Variants in ZFAT observed in about 807,000 individuals in gnomAD.
The protein encoded by ZFAT is zinc finger protein ZFAT.
In ZFAT, 64 loss-of-function variants were observed where a neutral mutation model predicts 117.7. The ratio of observed to expected loss-of-function variants is 0.54; its 90% CI spans 0.44 to 0.67. The LOEUF (loss-of-function observed/expected upper bound fraction) is 0.67. ZFAT is among the 30% of genes least tolerant of loss of function. The pLI is 0.00. For missense variants in ZFAT, 1,433 were observed against 1,584.5 expected (o/e 0.90, Z 1.62); for synonymous variants, 679 against 615.0 (o/e 1.10, Z -1.54).
chr8:134,810,231 A>C, the ZFAT span, among the ~76,000 whole-genome samples: 1 of 152,316 alleles, frequency 6.6e-6, no homozygotes, highest in East Asian at 1.9e-4. Flanking sequence ...TTTAATTTTC[A>C]AAGTCCACAC....
At chr8:134,565,623 A>G (rs772605877) in intron 10 of ZFAT, 16 of 677,394 alleles carry the variant, frequency 2.4e-5, no homozygotes, top group South Asian at 1.3e-4. Flanking sequence ...GGCACTCCCC[A>G]GGGAGGGAGA....
At position 134,658,147 on chromosome 8, in the gene ZFAT, C is replaced by T. The variant is rs188683956; in HGVS notation, c.20-410G>A. Among the ~76,000 whole-genome samples the T allele has an allele frequency of 2.0e-3, 311 of 152,264 alleles. 1 individual carries two copies. Among genetic ancestry groups the T allele is most frequent in the African/African-American group, 7.0e-3 (292 of 41,540 alleles). Reference sequence around the variant, plus strand: ...GGTCAGGAGATCGAGACCATCCTGGCTAACATGGTGAAATCTCGTCTCTAC... The same window carrying T: ...GGTCAGGAGATCGAGACCATCCTGGTTAACATGGTGAAATCTCGTCTCTAC... On this transcript the variant is annotated intron_variant, in intron 1 of 15. Transcript: ENST00000377838.
chr8:134,550,374 A>AT (rs1278559281), intron 11 of ZFAT, among the ~76,000 whole-genome samples: 1 of 150,310 alleles, frequency 6.7e-6, no homozygotes, highest in Non-Finnish European at 1.5e-5. Flanking sequence ...CCAGGCCTTC[A>AT]TATCATTTAC....
the ZFAT span, among the ~76,000 whole-genome samples, chr8:134,810,399 TA>T: frequency 6.6e-6 from 1 of 152,356 alleles, no homozygotes. Context: ...ATTATGCACC[TA>T]ATTTCAAAGC....
chr8:134,635,780 A>G (rs1171320696), intron 3 of ZFAT, among the ~76,000 whole-genome samples: 1 of 152,172 alleles, frequency 6.6e-6, no homozygotes, highest in Non-Finnish European at 1.5e-5. Flanking sequence ...GGGGAGGTCT[A>G]TCCTAATCCT....
At chr8:134,492,019 T>C (rs1056811078) in intron 15 of ZFAT, among the ~76,000 whole-genome samples, 2 of 141,046 alleles carry the variant, frequency 1.4e-5, no homozygotes, top group East Asian at 1.9e-4. Context: ...TTTGTTTTTG[T>C]TTTTGTTTTT....
At chr8:134,661,196 T>G (rs1377487751) in intron 1 of ZFAT, among the ~76,000 whole-genome samples, 2 of 152,052 alleles carry the variant, frequency 1.3e-5, no homozygotes, top group Non-Finnish European at 2.9e-5. Context: ...GAAGGGCGCG[T>G]GGGCAGGAGA....
chr8:134,699,951 G>A (rs1239614210), intron 1 of ZFAT, among the ~76,000 whole-genome samples: 2 of 152,180 alleles, frequency 1.3e-5, no homozygotes, highest in Non-Finnish European at 2.9e-5. Flanking sequence ...ACAGGCAGTG[G>A]GGCCAAGGAC....
chr8:134,800,897 C>T, the ZFAT span, among the ~76,000 whole-genome samples: 1 of 152,012 alleles, frequency 6.6e-6, no homozygotes, highest in Non-Finnish European at 1.5e-5. Flanking sequence ...CACTATATTG[C>T]CCAGGCTAGT....
chr8:134,544,248 C>T (rs1822515208), intron 11 of ZFAT, among the ~76,000 whole-genome samples: 1 of 152,146 alleles, frequency 6.6e-6, no homozygotes, highest in African/African-American at 2.4e-5. Flanking sequence ...GAGTAGAGTC[C>T]ACATCAGAAC....
At chr8:134,712,815 C>T (rs71528372) in intron 1 of ZFAT, 30 bp downstream of exon 1, 370,958 of 1,124,298 alleles carry the variant, frequency 0.33, 64,748 homozygotes, top group South Asian at 0.41. Flanking sequence ...ACCCCCACCC[C>T]GTCTCACCCC....
chr8:134,506,343 T>C (rs1336412501), intron 15 of ZFAT, among the ~76,000 whole-genome samples: 1 of 152,208 alleles, frequency 6.6e-6, no homozygotes, highest in Non-Finnish European at 1.5e-5. Flanking sequence ...CACGCAAGCA[T>C]GATTCTTTCT....
the ZFAT span, among the ~76,000 whole-genome samples, chr8:134,787,964 T>A: frequency 6.6e-6 from 1 of 152,150 alleles, no homozygotes; most frequent in Non-Finnish European, 1.5e-5. Context: ...GTTTGTTGAG[T>A]CTTTTCAAAT....
the ZFAT span, among the ~76,000 whole-genome samples, chr8:134,753,905 GA>G: frequency 6.6e-6 from 1 of 152,132 alleles, no homozygotes; most frequent in Non-Finnish European, 1.5e-5. Flanking sequence ...TTTTGAAAAT[GA>G]AAAAACAACC....
intron 3 of ZFAT, among the ~76,000 whole-genome samples, chr8:134,616,786 T>C (rs7010948): frequency 0.59 from 89,392 of 151,954 alleles, 27,195 homozygotes; most frequent in East Asian, 0.89. Context: ...TGCAGAGAGG[T>C]AGTGGGCATG....
At position 134,712,724 on chromosome 8, in the gene ZFAT, CG is replaced by C. The variant is rs1392141943; in HGVS notation, c.19+120del. 3 of 749,296 alleles carry C rather than the reference CG, an allele frequency of 4.0e-6. No individual in the cohort carries two copies. The African/African-American group carries it at 6.2e-5, about 16-fold the overall frequency. 46.4% of individuals were successfully genotyped at this position (749,296 alleles called of 1,614,324 possible). A position where few individuals can be genotyped will look rare whatever the true frequency, so the allele number is the denominator to read the frequency against. ...CCCCAGACCCGGATCCCTCCGCGGC[CG>C]GCGGCCGGCGGCCGGCGGCCGGCGC... is the stretch of plus-strand genomic sequence containing the variant. On this transcript the variant is annotated intron_variant, in intron 1 of 15. Transcript: ENST00000377838.
At chr8:134,682,393 T>C (rs1011210539) in intron 1 of ZFAT, among the ~76,000 whole-genome samples, 1 of 152,230 alleles carries the variant, frequency 6.6e-6, no homozygotes, top group Non-Finnish European at 1.5e-5. Flanking sequence ...CGGTGGCTCA[T>C]GCCTATAATC....
intron 1 of ZFAT, among the ~76,000 whole-genome samples, chr8:134,682,726 T>C (rs146951986): frequency 1.3e-5 from 2 of 152,254 alleles, no homozygotes; most frequent in Admixed American, 6.5e-5. Flanking sequence ...AACATTTCCA[T>C]ATAACTGGGC....
intron 15 of ZFAT, among the ~76,000 whole-genome samples, chr8:134,505,977 C>T (rs1442045996): frequency 1.3e-5 from 2 of 152,194 alleles, no homozygotes; most frequent in Non-Finnish European, 2.9e-5. Context: ...TACAATGTTA[C>T]TTTGAGTCTA....
Sources: allele counts gnomAD v4.1 joint callset (sites outside exome capture counted in the v4.1 genomes callset), GRCh38; gene constraint gnomAD v4.1.1; transcripts MANE v1.5; gene names NCBI Gene and HGNC (gene_info 2026-07-23, HGNC 2026-07-21).